SLAMF6: variants seen among roughly 807,000 people sequenced by gnomAD.
SLAMF6 encodes NK-T-B-antigen.
In SLAMF6, 21 loss-of-function variants were observed where a neutral mutation model predicts 38.3. That is an observed-to-expected ratio of 0.55 (90% CI 0.39 to 0.79). SLAMF6 has a LOEUF of 0.79. SLAMF6 is among the 30% of genes least tolerant of loss of function. The pLI, the probability that SLAMF6 is intolerant of heterozygous loss-of-function variation, is 0.00. For synonymous variants in SLAMF6, 152 were observed against 146.3 expected, an observed-to-expected ratio of 1.04 and a Z score of -0.28; for missense variants, 341 against 385.3, an observed-to-expected ratio of 0.89 and a Z score of 0.96.
intron 1 of SLAMF6, among the ~76,000 whole-genome samples, chr1:160,522,385 G>A (rs1444629835): frequency 6.6e-6 from 1 of 152,034 alleles, no homozygotes; most frequent in Non-Finnish European, 1.5e-5. Context: ...TGCTACCCTG[G>A]GCTAGCTCTG....
chr1:160,522,190 C>T (rs780716422), intron 1 of SLAMF6, among the ~76,000 whole-genome samples: 4 of 152,160 alleles, frequency 2.6e-5, no homozygotes, highest in Admixed American at 6.5e-5. Context: ...AAGAGCTTGT[C>T]GCATGCTGGC....
intron 1 of SLAMF6, among the ~76,000 whole-genome samples, chr1:160,517,590 C>T (rs993075933): frequency 1.3e-5 from 2 of 152,106 alleles, no homozygotes; most frequent in African/African-American, 4.8e-5. Flanking sequence ...ATAGCAAAGG[C>T]CTGGAATCAA....
intron 1 of SLAMF6, among the ~76,000 whole-genome samples, chr1:160,497,387 C>T (rs184498762): frequency 1.3e-4 from 20 of 152,282 alleles, no homozygotes; most frequent in Admixed American, 1.3e-3. Flanking sequence ...ATTAGCCTTG[C>T]ATGTCAGTAC....
intron 1 of SLAMF6, among the ~76,000 whole-genome samples, chr1:160,506,530 T>C (rs978809940): frequency 1.3e-5 from 2 of 152,180 alleles, no homozygotes; most frequent in African/African-American, 4.8e-5. Context: ...AAAGGGAATC[T>C]TTCAGGCTGA....
intron 1 of SLAMF6, among the ~76,000 whole-genome samples, chr1:160,519,173 A>G (rs575081538): frequency 4.9e-4 from 75 of 152,364 alleles, no homozygotes; most frequent in African/African-American, 1.8e-3. Context: ...TTCTCCAAAG[A>G]GGATATACAA....
At chr1:160,487,240 C>A in intron 6 of SLAMF6, 65 bp from the exon 7 acceptor site, 1 of 1,379,658 alleles carries the variant, frequency 7.2e-7, no homozygotes, top group South Asian at 1.2e-5. Context: ...TAGATATATT[C>A]TTAGGAAAGA....
At position 160,489,148 on chromosome 1, in the gene SLAMF6, C is replaced by T. The variant is rs1378142655; in HGVS notation, c.819G>A (p.Glu273=). 1.2e-6 allele frequency: 2 copies of T among 1,613,888 alleles called. No individual in the cohort carries two copies. The highest frequency in any genetic ancestry group is 1.1e-5 in the South Asian group (1 of 91,074). The change falls in exon 6 of 8, where the codon GAG becomes GAA. Residue 273 remains glutamate, a synonymous_variant. Transcript: ENST00000368057. ...TGTTCGTTGGAGACACTGAAACATACTCTAGGTTCCTTGCGGACTCTGCTG... is the reference window on the plus strand; with the variant it reads ...TGTTCGTTGGAGACACTGAAACATATTCTAGGTTCCTTGCGGACTCTGCTG... ...QGPAESARNL[E]YVSVSPTNNT...
chr1:160,512,459 A>G (rs1654521531), intron 1 of SLAMF6, among the ~76,000 whole-genome samples: 2 of 152,118 alleles, frequency 1.3e-5, no homozygotes, highest in Non-Finnish European at 2.9e-5. Flanking sequence ...GGCAGTCTGG[A>G]TAAGTAGGAT....
Position 160,508,639 on chromosome 1 carries a change from A to C in SLAMF6, c.50-12246T>G, listed in dbSNP as rs188142495. 3.2e-3 allele frequency among the ~76,000 whole-genome samples: 484 copies of C among 152,332 alleles called. 2 individuals carry two copies. The highest frequency in any genetic ancestry group is 0.011 in the African/African-American group (459 of 41,578). On this transcript the variant is annotated intron_variant, in intron 1 of 7. Transcript: ENST00000368057. ...CTAAAACACCAAAAGCAATGGCAAC[A>C]AAAGCCAAAATAGACAAATGGGATC...
rs1434622831 is a variant in SLAMF6 at position 160,502,053 on chromosome 1, C to T, written c.50-5660G>A. ...ACTTTGGACAGGAGCAGAGCTGCTT[C>T]AGGGCCAAGGTGTTGTGGTGTGGCC... On this transcript the variant is annotated intron_variant, in intron 1 of 7. Transcript: ENST00000368057. Among the ~76,000 whole-genome samples the T allele has an allele frequency of 3.9e-5, 6 of 152,244 alleles. No individual in the cohort carries two copies. In the South Asian group the frequency reaches 1.0e-3, roughly 26 times the overall value.
rs1419027555 is a variant in SLAMF6, at chr1:160,490,241, A to T, written c.758-5T>A. ...GAGTAGACAAAGATAGGGAATCTGA[A>T]AAATAAAACCAGAAAATTGAAATGT... On this transcript the variant is annotated splice_polypyrimidine_tract_variant and splice_region_variant and intron_variant, in intron 4 of 7. Transcript: ENST00000368057. 6.2e-7 allele frequency: 1 copy of T among 1,613,642 alleles called. No individual in the cohort carries two copies. The highest frequency in any genetic ancestry group is 1.1e-5 in the South Asian group (1 of 91,058).
chr1:160,512,429 T>G (rs1317461072), intron 1 of SLAMF6, among the ~76,000 whole-genome samples: 1 of 152,184 alleles, frequency 6.6e-6, no homozygotes, highest in Non-Finnish European at 1.5e-5. Context: ...TCTTTTCCCC[T>G]GCTGGCTCTG....
intron 1 of SLAMF6, among the ~76,000 whole-genome samples, chr1:160,503,961 T>C (rs1388813127): frequency 1.5e-5 from 2 of 135,178 alleles, no homozygotes; most frequent in South Asian, 2.2e-4. Context: ...GAGGTTGCAG[T>C]GAGCTGAGAT....
At chr1:160,507,603 A>G (rs1404455415) in intron 1 of SLAMF6, among the ~76,000 whole-genome samples, 2 of 152,172 alleles carry the variant, frequency 1.3e-5, no homozygotes, top group Non-Finnish European at 2.9e-5. Flanking sequence ...CCTCAAATGC[A>G]CATAAGTCGT....
chr1:160,510,488 G>C (rs942379768), intron 1 of SLAMF6, among the ~76,000 whole-genome samples: 1 of 151,972 alleles, frequency 6.6e-6, no homozygotes, highest in African/African-American at 2.4e-5. Flanking sequence ...AAGAAAAATA[G>C]ACTAATGGCC....
Position 160,485,210 on chromosome 1 carries a change from C to G in SLAMF6, c.*1497G>C, listed in dbSNP as rs1306119046. 1 of 152,062 alleles carries G rather than the reference C, an allele frequency of 6.6e-6. No individual in the cohort carries two copies. Among genetic ancestry groups the G allele is most frequent in the East Asian group, 1.9e-4 (1 of 5,174 alleles). 9.4% of individuals were successfully genotyped at this position (152,062 alleles called of 1,614,324 possible). ...GGATTTTAGGGGTGCACCACCACGC[C>G]TGGCTAATTTTTTTGTATTTTTAGT... is the stretch of plus-strand genomic sequence containing the variant. On this transcript the variant is annotated 3_prime_UTR_variant, in exon 8 of 8. Coordinates refer to ENST00000368057, the MANE Select transcript of SLAMF6 (RefSeq NM_001184714.2).
At chr1:160,499,398 G>C (rs1296718480) in intron 1 of SLAMF6, among the ~76,000 whole-genome samples, 1 of 151,952 alleles carries the variant, frequency 6.6e-6, no homozygotes, top group Non-Finnish European at 1.5e-5. Context: ...TGAGTTTTTT[G>C]TTCTCTTCCA....
intron 1 of SLAMF6, 80 bp from the exon 2 acceptor site, chr1:160,496,473 G>T (rs1653588398): frequency 1.4e-6 from 2 of 1,408,806 alleles, no homozygotes; most frequent in African/African-American, 1.4e-5. Context: ...ACCTAACGCT[G>T]CCAGTCTGTT....
At chr1:160,511,897 C>T (rs1332684671) in intron 1 of SLAMF6, among the ~76,000 whole-genome samples, 1 of 152,168 alleles carries the variant, frequency 6.6e-6, no homozygotes, top group Non-Finnish European at 1.5e-5. Flanking sequence ...CACCTGGAAG[C>T]TGATGGGGCA....
Sources: gnomAD v4.1 joint callset for allele counts (sites outside exome capture counted in the v4.1 genomes callset) on GRCh38, gnomAD v4.1.1 for gene constraint, MANE v1.5 for transcripts, NCBI Gene and HGNC (gene_info 2026-07-23, HGNC 2026-07-21) for gene names.